The following OR2L13 variants were observed in gnomAD, a reference collection of about 807,000 sequenced individuals.
The protein encoded by OR2L13 is olfactory receptor 2L13.
A neutral mutation model predicts 15.3 loss-of-function variants in OR2L13; 14 were observed. The ratio of observed to expected loss-of-function variants is 0.91; its 90% CI spans 0.60 to 1.43. OR2L13 has a LOEUF of 1.43. Among genes scored for constraint, OR2L13 ranks in the 40% most tolerant of loss-of-function variants. The pLI is 0.00. For synonymous variants in OR2L13, 152 were observed against 142.9 expected (o/e 1.06, Z -0.45); for missense variants, 367 against 387.9 (o/e 0.95, Z 0.45).
At chr1:248,038,624 T>C in the OR2L13 span, 16 of 1,614,000 alleles carry the variant, frequency 9.9e-6, no homozygotes, top group Admixed American at 2.5e-4. Context: ...CAATGGCCTA[T>C]GATCGTTATG....
At chr1:247,994,600 C>T in the OR2L13 span, among the ~76,000 whole-genome samples, 1 of 152,052 alleles carries the variant, frequency 6.6e-6, no homozygotes, top group Non-Finnish European at 1.5e-5. Context: ...ATGGTGGTTA[C>T]TAGCAGTGGG....
exon 3 of OR2L13, chr1:248,099,618 G>A (rs149825142): frequency 1.1e-4 from 184 of 1,613,992 alleles, no homozygotes; most frequent in Non-Finnish European, 1.4e-4. Flanking sequence ...CCAAGATGGC[G>A]TACAACTTCC....
At chr1:247,943,380 A>G in the OR2L13 span, among the ~76,000 whole-genome samples, 5 of 152,116 alleles carry the variant, frequency 3.3e-5, no homozygotes, top group African/African-American at 9.7e-5. Flanking sequence ...GCATCACACA[A>G]TATAACCATG....
chr1:247,957,507 C>T, the OR2L13 span, among the ~76,000 whole-genome samples: 2 of 152,150 alleles, frequency 1.3e-5, no homozygotes, highest in Admixed American at 1.3e-4. Flanking sequence ...GGAATAGTTT[C>T]AGAAAGAATG....
the OR2L13 span, among the ~76,000 whole-genome samples, chr1:248,017,658 A>G: frequency 6.6e-6 from 1 of 151,796 alleles, no homozygotes; most frequent in Non-Finnish European, 1.5e-5. Context: ...GGGTGAGGAG[A>G]TGGGGGTCCA....
chr1:248,051,372 A>C, the OR2L13 span: 1 of 152,210 alleles, frequency 6.6e-6, no homozygotes, highest in Non-Finnish European at 1.5e-5. Context: ...TATACATACT[A>C]TATTTATATT....
At chr1:247,966,010 C>G in the OR2L13 span, 2 of 1,613,370 alleles carry the variant, frequency 1.2e-6, no homozygotes, top group Non-Finnish European at 1.7e-6. Flanking sequence ...ACTACCATTC[C>G]TAGCCATTCT....
chr1:247,982,082 TG>T, the OR2L13 span, among the ~76,000 whole-genome samples: 1 of 152,158 alleles, frequency 6.6e-6, no homozygotes, highest in Non-Finnish European at 1.5e-5. Context: ...CCCAAAGTGC[TG>T]GGATTACAAG....
the OR2L13 span, among the ~76,000 whole-genome samples, chr1:247,956,708 T>G: frequency 0.038 from 5,713 of 151,718 alleles, 121 homozygotes; most frequent in African/African-American, 0.059. Context: ...TTGAAGCAAT[T>G]GTGAATGGGA....
At chr1:247,946,646 T>G in the OR2L13 span, among the ~76,000 whole-genome samples, 1 of 152,164 alleles carries the variant, frequency 6.6e-6, no homozygotes, top group Admixed American at 6.6e-5. Flanking sequence ...AGACAATATG[T>G]TCATCTGCTA....
At chr1:248,055,031 A>C in the OR2L13 span, among the ~76,000 whole-genome samples, 2 of 152,220 alleles carry the variant, frequency 1.3e-5, no homozygotes, top group Non-Finnish European at 2.9e-5. Context: ...TTCAAAGGGA[A>C]TGCTTCCAGT....
chr1:248,003,601 T>G, the OR2L13 span: 1 of 1,611,884 alleles, frequency 6.2e-7, no homozygotes, highest in Non-Finnish European at 8.5e-7. Flanking sequence ...ATGCTTGTGC[T>G]CACACTGTAT....
chr1:248,086,561 A>G, the OR2L13 span, among the ~76,000 whole-genome samples: 1 of 152,098 alleles, frequency 6.6e-6, no homozygotes, highest in African/African-American at 2.4e-5. Context: ...GAGGTATTGC[A>G]GCTTGATTGT....
At chr1:248,002,260 C>A in the OR2L13 span, among the ~76,000 whole-genome samples, 1 of 152,044 alleles carries the variant, frequency 6.6e-6, no homozygotes, top group African/African-American at 2.4e-5. Flanking sequence ...TTTATTAGGG[C>A]AAATATACAT....
the OR2L13 span, among the ~76,000 whole-genome samples, chr1:247,940,751 T>TGA: frequency 6.6e-6 from 1 of 150,954 alleles, no homozygotes. Context: ...TGTGTGTGTG[T>TGA]GTGTGCGCGC....
the OR2L13 span, among the ~76,000 whole-genome samples, chr1:248,019,716 C>G: frequency 6.6e-6 from 1 of 151,462 alleles, no homozygotes; most frequent in African/African-American, 2.4e-5. Context: ...TTTTCCTCCT[C>G]GTCCTCCTCC....
chr1:248,057,478 C>T, the OR2L13 span, among the ~76,000 whole-genome samples: 58 of 151,722 alleles, frequency 3.8e-4, no homozygotes, highest in Middle Eastern at 3.4e-3. Context: ...TCCTTTTTTC[C>T]TTTTGCTTGG....
At chr1:247,967,268 G>A in the OR2L13 span, among the ~76,000 whole-genome samples, 454 of 151,346 alleles carry the variant, frequency 3.0e-3, 6 homozygotes, top group African/African-American at 1.0e-2. Context: ...TTGTTCTCTC[G>A]CCCAGGCTGG....
chr1:248,061,735 A>G, the OR2L13 span: 2 of 990,818 alleles, frequency 2.0e-6, no homozygotes, highest in Admixed American at 3.0e-5. Flanking sequence ...TCAAGGTAAG[A>G]GAAAAAAATC....
Sources: gnomAD v4.1 joint callset for allele counts (sites outside exome capture counted in the v4.1 genomes callset) on GRCh38, gnomAD v4.1.1 for gene constraint, MANE v1.5 for transcripts, NCBI Gene and HGNC (gene_info 2026-07-23, HGNC 2026-07-21) for gene names.